BCL7A: variants seen among roughly 807,000 people sequenced by gnomAD.
The protein encoded by BCL7A is B-cell CLL/lymphoma 7 protein family member A.
Under a neutral mutation model 28.4 loss-of-function variants are expected in BCL7A, and 11 were observed. The observed-to-expected ratio is 0.39, with a 90% CI of 0.24 to 0.64. The LOEUF (loss-of-function observed/expected upper bound fraction) is 0.64, where lower values mean the gene tolerates loss of function less well. Among genes scored for constraint, BCL7A ranks in the 30% least tolerant of loss-of-function variants. BCL7A has a pLI of 0.50. For synonymous variants in BCL7A, 123 were observed against 103.3 expected, an observed-to-expected ratio of 1.19 and a Z score of -1.15; for missense variants, 222 against 274.8, an observed-to-expected ratio of 0.81 and a Z score of 1.36.
At chr12:122,037,750 T>C (rs780491694) in intron 3 of BCL7A, among the ~76,000 whole-genome samples, 6 of 151,614 alleles carry the variant, frequency 4.0e-5, no homozygotes, top group Admixed American at 6.6e-5. Flanking sequence ...AGTTCGAGAC[T>C]AGCCTGACCA....
chr12:122,046,897 T>C (rs1338351105), intron 4 of BCL7A, among the ~76,000 whole-genome samples: 1 of 151,772 alleles, frequency 6.6e-6, no homozygotes, highest in Non-Finnish European at 1.5e-5. Flanking sequence ...ATTAAGATAT[T>C]TCTTGGGTTT....
Position 122,024,277 on chromosome 12 carries a change from A to G in BCL7A, c.92+2094A>G, listed in dbSNP as rs531540171. The stretch of plus-strand genomic sequence containing the variant: ...TCGTTGCCGCGACCTTGGGCATATC[A>G]TTGTCACTTCTCTAACCATGGTGAC... On this transcript the variant is annotated intron_variant, in intron 1 of 5. Coordinates refer to ENST00000261822, the MANE Select transcript of BCL7A (RefSeq NM_001024808.3). 4.6e-5 allele frequency among the ~76,000 whole-genome samples: 7 copies of G among 152,168 alleles called. No homozygotes were observed. In the East Asian group the frequency reaches 1.4e-3, roughly 29 times the overall value.
Position 122,043,879 on chromosome 12 carries a change from C to T in BCL7A, c.272-7C>T, listed in dbSNP as rs371454940. ...TCATCCTGTGGTTCTGTTCCCACCC[C>T]CTACAGACGATAACAGCAACCAGAG... is the stretch of plus-strand genomic sequence containing the variant. On this transcript the variant is annotated splice_polypyrimidine_tract_variant and splice_region_variant and intron_variant, in intron 3 of 5. Coordinates refer to ENST00000261822, the MANE Select transcript of BCL7A (RefSeq NM_001024808.3). The T allele has an allele frequency of 1.9e-6, 3 of 1,609,922 alleles. No individual in the cohort carries two copies. The highest frequency in any genetic ancestry group is 2.5e-6 in the Non-Finnish European group (3 of 1,178,126).
chr12:122,047,991 C>T (rs1297309244), intron 4 of BCL7A, among the ~76,000 whole-genome samples: 1 of 150,530 alleles, frequency 6.6e-6, no homozygotes, highest in East Asian at 2.0e-4. Context: ...ACAACCTCCA[C>T]CTCCCGCGTT....
chr12:122,044,006 A>G lies in BCL7A; in HGVS notation c.392A>G (p.Lys131Arg), dbSNP rs201873233. ...SAVPSDGTEAKVDEAQADGKE... is the reference protein window; with the variant it reads ...SAVPSDGTEARVDEAQADGKE... ...GTGCCCAGCGACGGCACCGAGGCCA[A>G]GGTGGATGAGGCCCAGGCTGATGGG... The change falls in exon 4 of 6, where the codon AAG becomes AGG. Residue 131 changes from lysine (K) to arginine (R), a missense_variant. By Grantham distance (26) the Lys-to-Arg change is conservative. Coordinates refer to ENST00000261822, the MANE Select transcript of BCL7A (RefSeq NM_001024808.3). 6.8e-5 allele frequency: 110 copies of G among 1,613,858 alleles called. No individual in the cohort carries two copies. Among genetic ancestry groups the G allele is most frequent in the Non-Finnish European group, 8.5e-6 (10 of 1,180,014 alleles).
chr12:122,022,769 C>G (rs1375828968), intron 1 of BCL7A, among the ~76,000 whole-genome samples: 3 of 151,186 alleles, frequency 2.0e-5, no homozygotes, highest in South Asian at 2.1e-4. Flanking sequence ...AGAGCGCGAG[C>G]CGTTTAAATT....
chr12:122,037,182 T>A (rs1471942620), intron 3 of BCL7A, among the ~76,000 whole-genome samples: 1 of 152,196 alleles, frequency 6.6e-6, no homozygotes, highest in South Asian at 2.1e-4. Flanking sequence ...GTGTGGCGCC[T>A]CCAGGCCCAC....
intron 1 of BCL7A, among the ~76,000 whole-genome samples, chr12:122,025,051 G>A (rs2135837093): frequency 6.6e-6 from 1 of 152,012 alleles, no homozygotes; most frequent in Non-Finnish European, 1.5e-5. Flanking sequence ...CAGCAAGGCA[G>A]GCCAGTGGAG....
intron 4 of BCL7A, among the ~76,000 whole-genome samples, chr12:122,052,867 TC>T (rs1269115597): frequency 0.012 from 815 of 66,634 alleles, 20 homozygotes; most frequent in African/African-American, 0.034. Flanking sequence ...ATTTTTTTAG[TC>T]GGGGGGGGGG....
At chr12:122,025,063 T>A (rs1397469886) in intron 1 of BCL7A, among the ~76,000 whole-genome samples, 2 of 150,368 alleles carry the variant, frequency 1.3e-5, no homozygotes, top group East Asian at 2.0e-4. Context: ...CCAGTGGAGG[T>A]GAGGTGACCA....
At chr12:122,051,781 T>G (rs1187521984) in intron 4 of BCL7A, among the ~76,000 whole-genome samples, 1 of 152,140 alleles carries the variant, frequency 6.6e-6, no homozygotes, top group African/African-American at 2.4e-5. Flanking sequence ...TGGGCAACTT[T>G]TCTAGTAAAA....
chr12:122,038,499 G>T (rs1009095115), intron 3 of BCL7A, among the ~76,000 whole-genome samples: 1 of 126,890 alleles, frequency 7.9e-6, no homozygotes, highest in Non-Finnish European at 1.7e-5. Context: ...TGTCAAGAAA[G>T]CCCCCCCAAC....
chr12:122,060,905 A>AC lies in BCL7A; in HGVS notation c.*1744dup, dbSNP rs1223836111. 4.4e-6 allele frequency: 1 copy of AC among 226,136 alleles called. No homozygotes were observed. Among genetic ancestry groups the AC allele is most frequent in the African/African-American group, 2.2e-5 (1 of 44,810 alleles). 14.0% of individuals were successfully genotyped at this position (226,136 alleles called of 1,614,324 possible). A position where few individuals can be genotyped will look rare whatever the true frequency, so the allele number is the denominator to read the frequency against. On this transcript the variant is annotated 3_prime_UTR_variant, in exon 6 of 6. Transcript: ENST00000261822. The stretch of plus-strand genomic sequence containing the variant: ...TCCTGAAATAAGGGAAAAAAAAAAA[A>AC]CCACAACTTTGAAAATCTTAATGTT...
At chr12:122,024,103 T>C in intron 1 of BCL7A, among the ~76,000 whole-genome samples, 1 of 152,268 alleles carries the variant, frequency 6.6e-6, no homozygotes, top group Admixed American at 6.5e-5. Flanking sequence ...CCTGGAGGCC[T>C]TCCAGCCCGC....
intron 5 of BCL7A, among the ~76,000 whole-genome samples, chr12:122,057,535 G>A (rs543292872): frequency 2.0e-5 from 3 of 152,184 alleles, no homozygotes; most frequent in Non-Finnish European, 4.4e-5. Flanking sequence ...GGGTTGGAGG[G>A]GGGGTGCGGG....
chr12:122,023,771 G>C (rs1883537477), intron 1 of BCL7A, among the ~76,000 whole-genome samples: 1 of 152,312 alleles, frequency 6.6e-6, no homozygotes, highest in Non-Finnish European at 1.5e-5. Flanking sequence ...ACACACGCTG[G>C]AAAACAACCC....
At chr12:122,057,271 G>A (rs930072429) in intron 5 of BCL7A, among the ~76,000 whole-genome samples, 7 of 152,218 alleles carry the variant, frequency 4.6e-5, no homozygotes, top group African/African-American at 1.2e-4. Context: ...CTTGAAGAAC[G>A]AAAGAGAGGC....
chr12:122,023,729 T>A (rs1327695868), intron 1 of BCL7A, among the ~76,000 whole-genome samples: 2 of 152,162 alleles, frequency 1.3e-5, no homozygotes, highest in Middle Eastern at 3.4e-3. Context: ...TGGAGCCATT[T>A]AAAAATGGCA....
At chr12:122,025,095 A>G (rs1883587360) in intron 1 of BCL7A, among the ~76,000 whole-genome samples, 1 of 152,146 alleles carries the variant, frequency 6.6e-6, no homozygotes, top group African/African-American at 2.4e-5. Flanking sequence ...AAGGGAAAAC[A>G]AAATGGTGGG....
Sources: allele counts gnomAD v4.1 joint callset (sites outside exome capture counted in the v4.1 genomes callset), GRCh38; gene constraint gnomAD v4.1.1; transcripts MANE v1.5; gene names NCBI Gene and HGNC (gene_info 2026-07-23, HGNC 2026-07-21).